ZNF667: variants seen among roughly 807,000 people sequenced by gnomAD.
The protein encoded by ZNF667 is zinc finger protein 667.
In ZNF667, 13 loss-of-function variants were observed where a neutral mutation model predicts 31.8. That is an observed-to-expected ratio of 0.41 (90% CI 0.27 to 0.65). ZNF667 has a LOEUF of 0.65. Ranked by LOEUF, ZNF667 falls within the 30% of genes least tolerant of loss-of-function variation. The pLI is 0.32. For missense variants in ZNF667, 642 were observed against 725.6 expected (o/e 0.88, Z 1.32); for synonymous variants, 228 against 247.1 (o/e 0.92, Z 0.73).
At chr19:56,451,824 G>A (rs911767604) in intron 6 of ZNF667, among the ~76,000 whole-genome samples, 1 of 129,346 alleles carries the variant, frequency 7.7e-6, no homozygotes, top group Non-Finnish European at 1.5e-5. Context: ...AGTTGTGATC[G>A]CACCACTGTA....
intron 3 of ZNF667, chr19:56,469,857 C>T: frequency 2.2e-6 from 1 of 451,194 alleles, no homozygotes; most frequent in South Asian, 1.6e-5. Context: ...GACTGAATGG[C>T]TTTGTAATAA....
chr19:56,468,878 T>G (rs1439456208), intron 3 of ZNF667: 1 of 152,274 alleles, frequency 6.6e-6, no homozygotes, highest in Non-Finnish European at 1.5e-5. Context: ...GCTATGCTGC[T>G]GGCCTTGAAG....
intron 6 of ZNF667, among the ~76,000 whole-genome samples, chr19:56,452,327 G>C (rs990025760): frequency 9.2e-5 from 14 of 152,168 alleles, no homozygotes; most frequent in African/African-American, 3.4e-4. Flanking sequence ...TGGGATTATA[G>C]GCGTGAGCCA....
rs556819438 is a variant in ZNF667, at chr19:56,444,077, AT to A, written c.254-1337del. ...ATTGTAAAAATGCTGGTTATATGAT[AT>A]AATATGTTGGATATATTAGGTTAAA... On this transcript the variant is annotated intron_variant, in intron 6 of 6. Coordinates refer to ENST00000504904, the MANE Select transcript of ZNF667 (RefSeq NM_001321356.2). 6.4e-4 allele frequency: 253 copies of A among 394,694 alleles called. 2 individuals are homozygous for A. Among genetic ancestry groups the A allele is most frequent in the African/African-American group, 4.8e-3 (236 of 48,660 alleles). The allele number at this position is 394,694 out of a possible 1,614,324, so 24.4% of individuals were successfully genotyped here. A position where few individuals can be genotyped will look rare whatever the true frequency, so the allele number is the denominator to read the frequency against.
intron 5 of ZNF667, 71 bp from the exon 6 acceptor site, chr19:56,458,318 T>TTCCTGTTGATGCAGAG: frequency 7.5e-7 from 1 of 1,333,934 alleles, no homozygotes; most frequent in Non-Finnish European, 1.1e-6. Flanking sequence ...ACGCTCTGCA[T>TTCCTGTTGATGCAGAG]CAACAGGAAT....
rs1171995155 is a variant in ZNF667 at position 56,441,235 on chromosome 19, T to C, written c.1760A>G (p.Lys587Arg). 1.2e-6 allele frequency: 2 copies of C among 1,614,024 alleles called. No homozygotes were observed. The highest frequency in any genetic ancestry group is 2.7e-5 in the African/African-American group (2 of 74,920). The stretch of plus-strand genomic sequence containing the variant: ...ACTCCGACTATATGCCTTCCCACAT[T>C]TACTACATTCATAGGGTTTCTCTGA... ...HSSEKPYECS[K>R]CGKAYSRSSS... Residue 587 changes from lysine to arginine, a missense_variant, in exon 7 of 7, where the codon AAA becomes AGA. Coordinates refer to ENST00000504904, the MANE Select transcript of ZNF667 (RefSeq NM_001321356.2). The surrounding 1 kb of genome is among the most constrained non-coding windows in gnomAD (Gnocchi z 4.2).
intron 3 of ZNF667, among the ~76,000 whole-genome samples, chr19:56,464,104 CTCAGTATGAAAAAATGTAAACTA>C (rs1186398642): frequency 6.6e-6 from 1 of 152,010 alleles, no homozygotes; most frequent in Non-Finnish European, 1.5e-5. Flanking sequence ...ATTTCAAAGA[CTCAGTATGAAAAAATGTAAACTA>C]TCAGTATGAA....
At chr19:56,477,901 T>C (rs1006565734), upstream of ZNF667, 6 of 152,432 alleles carry the variant, frequency 3.9e-5, no homozygotes, top group Non-Finnish European at 8.8e-5. Flanking sequence ...AGCGAGGCTG[T>C]GGAAAGTCCC....
rs1378534696 is a variant in ZNF667 at position 56,441,541 on chromosome 19, G to C, written c.1454C>G (p.Ser485Cys). 13 of 1,614,064 alleles carry C rather than the reference G, an allele frequency of 8.1e-6. No individual in the cohort carries two copies. Among genetic ancestry groups the C allele is most frequent in the Non-Finnish European group, 1.0e-5 (12 of 1,180,046 alleles). The part of the protein sequence containing the change: ...ECGKAFSHRI[S>C]LTRHKRIHTE... ...ATGAATTCTCTTATGTCGTGTGAGA[G>C]ATATTCGGTGGCTGAAGGCTTTTCC... Residue 485 changes from serine (S) to cysteine (C), a missense_variant, in exon 7 of 7, where the codon TCT becomes TGT. By Grantham distance (112) the Ser-to-Cys change is moderately radical (BLOSUM62 -1). Transcript: ENST00000504904. This position sits in a 1 kb window ranked among gnomAD's most constrained non-coding sequence, Gnocchi z 4.2.
chr19:56,446,220 CCATAAG>C (rs1290094750), intron 6 of ZNF667, among the ~76,000 whole-genome samples: 4 of 152,234 alleles, frequency 2.6e-5, no homozygotes, highest in African/African-American at 9.6e-5. Context: ...AACTCTATTA[CCATAAG>C]CATATTATCT....
In ZNF667 at chr19:56,441,474, G is replaced by A; in HGVS notation, c.1521C>T (p.Ala507=). The A allele has an allele frequency of 6.2e-7, 1 of 1,614,050 alleles. No individual in the cohort carries two copies. Among genetic ancestry groups the A allele is most frequent in the East Asian group, 2.2e-5 (1 of 44,872 alleles). ...RPYECDQCGK[A]FSQSAHLAQH... is the part of the protein sequence containing the mutation. Reference sequence around the variant, plus strand: ...GGGCGAGGTGTGCACTCTGGCTGAAGGCCTTCCCACACTGATCACATTCAT... The same window carrying A: ...GGGCGAGGTGTGCACTCTGGCTGAAAGCCTTCCCACACTGATCACATTCAT... Residue 507 remains alanine (A), a synonymous_variant, in exon 7 of 7, where the codon GCC becomes GCT. Transcript: ENST00000504904. This position sits in a 1 kb window ranked among gnomAD's most constrained non-coding sequence, Gnocchi z 4.2.
chr19:56,475,861 C>T (rs957660414), intron 1 of ZNF667: 21 of 152,242 alleles, frequency 1.4e-4, no homozygotes, highest in African/African-American at 5.1e-4. Flanking sequence ...AGGACCCTGC[C>T]TACACAATTC....
chr19:56,456,206 T>C (rs1382992100), intron 6 of ZNF667, among the ~76,000 whole-genome samples: 3 of 152,240 alleles, frequency 2.0e-5, no homozygotes, highest in African/African-American at 4.8e-5. Context: ...TATCCAATAC[T>C]AGTGAGTATG....
chr19:56,473,446 A>C (rs888968026), intron 2 of ZNF667, among the ~76,000 whole-genome samples: 3 of 152,254 alleles, frequency 2.0e-5, no homozygotes, highest in Non-Finnish European at 2.9e-5. Context: ...ACAACCTAAC[A>C]GCCCATCAAT....
rs2042582701 is a variant in ZNF667, at chr19:56,440,673, G to A, written c.*489C>T. ...TTTTTTTGACACAGAGTCTTGCTCTGTTGCCCAGACTGGAGTGCAGTGGTG... is the reference window on the plus strand; with the variant it reads ...TTTTTTTGACACAGAGTCTTGCTCTATTGCCCAGACTGGAGTGCAGTGGTG... On this transcript the variant is annotated 3_prime_UTR_variant, in exon 7 of 7. Coordinates refer to ENST00000504904, the MANE Select transcript of ZNF667 (RefSeq NM_001321356.2). 1 of 859,116 alleles carries A rather than the reference G, an allele frequency of 1.2e-6. No individual in the cohort carries two copies. Among genetic ancestry groups the A allele is most frequent in the South Asian group, 5.3e-5 (1 of 18,950 alleles). 53.2% of individuals were successfully genotyped at this position (859,116 alleles called of 1,614,324 possible).
intron 6 of ZNF667, among the ~76,000 whole-genome samples, chr19:56,452,487 C>T (rs1005312179): frequency 4.2e-4 from 64 of 151,994 alleles, no homozygotes; most frequent in African/African-American, 1.5e-3. Flanking sequence ...AACGCCTACA[C>T]CAAAAAAGTA....
chr19:56,441,530 G>A lies in ZNF667; in HGVS notation c.1465C>T (p.His489Tyr), dbSNP rs1426219105. 6.2e-7 allele frequency: 1 copy of A among 1,614,208 alleles called. No individual in the cohort carries two copies. Reference protein sequence around the residue: ...AFSHRISLTRHKRIHTEDRPY... With the variant: ...AFSHRISLTRYKRIHTEDRPY... ...CTATCTTCAGTATGAATTCTCTTAT[G>A]TCGTGTGAGAGATATTCGGTGGCTG... is the stretch of plus-strand genomic sequence containing the variant. The change falls in exon 7 of 7, where the codon CAT becomes TAT. Residue 489 changes from histidine (H) to tyrosine (Y), a missense_variant. His to Tyr is a moderately conservative substitution (Grantham distance 83, BLOSUM62 2). Coordinates refer to ENST00000504904, the MANE Select transcript of ZNF667 (RefSeq NM_001321356.2). This position sits in a 1 kb window ranked among gnomAD's most constrained non-coding sequence, Gnocchi z 4.2.
At chr19:56,467,538 C>G (rs183731988) in intron 3 of ZNF667, among the ~76,000 whole-genome samples, 1 of 152,278 alleles carries the variant, frequency 6.6e-6, no homozygotes, top group African/African-American at 2.4e-5. Context: ...TTCCTGGGGA[C>G]AGAATCAGAT....
chr19:56,469,964 T>C, intron 3 of ZNF667: 1 of 487,330 alleles, frequency 2.1e-6, no homozygotes, highest in Non-Finnish European at 4.1e-6. Flanking sequence ...TGCCACTTCT[T>C]CACAGCGGAA....
Sources: allele counts gnomAD v4.1 joint callset (sites outside exome capture counted in the v4.1 genomes callset), GRCh38; gene constraint gnomAD v4.1.1; non-coding constraint Gnocchi (gnomAD v3.1); transcripts MANE v1.5; gene names NCBI Gene and HGNC (gene_info 2026-07-23, HGNC 2026-07-21).